ANKRD11: variants seen among roughly 807,000 people sequenced by gnomAD.
ANKRD11 encodes ankyrin repeat domain-containing protein 11.
Under a neutral mutation model 195.7 loss-of-function variants are expected in ANKRD11, and 17 were observed. The observed-to-expected ratio is 0.09, with a 90% CI of 0.06 to 0.13. ANKRD11 has a LOEUF of 0.13. Among genes scored for constraint, ANKRD11 ranks in the 10% least tolerant of loss-of-function variants. The pLI is 1.00. For synonymous variants in ANKRD11, 1,953 were observed against 1,528.1 expected, an observed-to-expected ratio of 1.28 and a Z score of -6.49; for missense variants, 3,735 against 3,566.1, an observed-to-expected ratio of 1.05 and a Z score of -1.21.
chr16:89,463,991 C>A (rs1016242333), intron 1 of ANKRD11, among the ~76,000 whole-genome samples: 2 of 152,216 alleles, frequency 1.3e-5, no homozygotes, highest in African/African-American at 2.4e-5. Context: ...GTAATCCCAA[C>A]ATTTTGGGAG....
chr16:89,271,035 C>G (rs112988977), intron 11 of ANKRD11, 126 bp from the exon 12 acceptor site: 3 of 823,730 alleles, frequency 3.6e-6, no homozygotes, highest in African/African-American at 3.4e-5. Flanking sequence ...CTCATTCCAC[C>G]GCGCACACAC....
Position 89,280,986 on chromosome 16 carries a change from G to A in ANKRD11, c.5556C>T (p.Ser1852=), listed in dbSNP as rs1265643249. The A allele has an allele frequency of 1.3e-6, 2 of 1,574,624 alleles. No individual in the cohort carries two copies. Among genetic ancestry groups the A allele is most frequent in the East Asian group, 4.5e-5 (2 of 44,400 alleles). ...TGGGCGACGGGAGGCCATAGTCTGGGGAGTAGTACCCTGGCGACAAGCAGG... is the reference window on the plus strand; with the variant it reads ...TGGGCGACGGGAGGCCATAGTCTGGAGAGTAGTACCCTGGCGACAAGCAGG... ...KFACLSPGYY[S]PDYGLPSPKV... is the part of the protein sequence containing the mutation. The change falls in exon 9 of 13, where the codon TCC becomes TCT. Residue 1852 remains serine, a synonymous_variant. Coordinates refer to ENST00000301030, the MANE Select transcript of ANKRD11 (RefSeq NM_013275.6).
At chr16:89,297,163 T>C (rs1399998825) in intron 4 of ANKRD11, among the ~76,000 whole-genome samples, 1 of 152,174 alleles carries the variant, frequency 6.6e-6, no homozygotes, top group Non-Finnish European at 1.5e-5. Context: ...GCCTTTTGTA[T>C]CAATCATTTA....
intron 2 of ANKRD11, among the ~76,000 whole-genome samples, chr16:89,366,756 G>C (rs1348131538): frequency 6.6e-6 from 1 of 152,204 alleles, no homozygotes; most frequent in Non-Finnish European, 1.5e-5. Flanking sequence ...TCTTGAATGT[G>C]TGCTATGGGT....
At chr16:89,274,686 T>C in intron 11 of ANKRD11, 128 bp downstream of exon 11, 1 of 1,375,234 alleles carries the variant, frequency 7.3e-7, no homozygotes. Flanking sequence ...CAAAGGACTC[T>C]GTAGCCCCTG....
Position 89,267,684 on chromosome 16 carries a change from A to C in ANKRD11, c.*794T>G, listed in dbSNP as rs1187042517. The C allele has an allele frequency of 1.3e-5, 2 of 152,384 alleles. No individual in the cohort carries two copies. Among genetic ancestry groups the C allele is most frequent in the African/African-American group, 2.4e-5 (1 of 41,470 alleles). 9.4% of individuals were successfully genotyped at this position (152,384 alleles called of 1,614,324 possible). On this transcript the variant is annotated 3_prime_UTR_variant, in exon 13 of 13. Coordinates refer to ENST00000301030, the MANE Select transcript of ANKRD11 (RefSeq NM_013275.6). ...ATAACTGAAAGTGATGTTACAGTAC[A>C]TAAGTTATTTACAACTGTGCAGTAA...
chr16:89,444,811 G>C (rs971195208), intron 1 of ANKRD11, among the ~76,000 whole-genome samples: 1 of 150,104 alleles, frequency 6.7e-6, no homozygotes, highest in Non-Finnish European at 1.5e-5. Context: ...GTAAAAAAAA[G>C]AGAAATTCTA....
chr16:89,271,015 C>T, intron 11 of ANKRD11, 106 bp from the exon 12 acceptor site: 1 of 1,010,762 alleles, frequency 9.9e-7, no homozygotes, highest in South Asian at 1.3e-5. Context: ...GGGACAACCA[C>T]AGGGGGAGCC....
At position 89,325,603 on chromosome 16, in the gene ANKRD11, C is replaced by T. The variant is rs555943285; in HGVS notation, c.-59-8525G>A. On this transcript the variant is annotated intron_variant, in intron 2 of 12. Coordinates refer to ENST00000301030, the MANE Select transcript of ANKRD11 (RefSeq NM_013275.6). ...CTTAGTTGACAAGACATCCGCGAAG[C>T]GTGGAAAATGGCTGCCTGGCGGATG... is the stretch of plus-strand genomic sequence containing the variant. 5.9e-5 allele frequency among the ~76,000 whole-genome samples: 9 copies of T among 152,296 alleles called. No individual in the cohort carries two copies. The East Asian group carries it at 7.7e-4, about 13-fold the overall frequency.
At chr16:89,304,711 C>T (rs978375430) in intron 4 of ANKRD11, among the ~76,000 whole-genome samples, 1 of 152,106 alleles carries the variant, frequency 6.6e-6, no homozygotes, top group Non-Finnish European at 1.5e-5. Context: ...GGCACACACT[C>T]TGGCACAGGC....
intron 2 of ANKRD11, among the ~76,000 whole-genome samples, chr16:89,335,579 G>A (rs2038309892): frequency 6.6e-6 from 1 of 152,252 alleles, no homozygotes; most frequent in African/African-American, 2.4e-5. Flanking sequence ...AGAACAGCGA[G>A]TGACGTCGCT....
At chr16:89,357,651 C>T (rs2039546760) in intron 2 of ANKRD11, among the ~76,000 whole-genome samples, 1 of 152,198 alleles carries the variant, frequency 6.6e-6, no homozygotes, top group African/African-American at 2.4e-5. Flanking sequence ...CAGAATGCGT[C>T]TGCACACAGC....
chr16:89,490,474 C>T lies in ANKRD11; in HGVS notation c.-374G>A. 2.3e-6 allele frequency: 1 copy of T among 434,582 alleles called. No individual in the cohort carries two copies. Among genetic ancestry groups the T allele is most frequent in the Non-Finnish European group, 4.1e-6 (1 of 244,728 alleles). The allele number at this position is 434,582 out of a possible 1,614,324, so 26.9% of individuals were successfully genotyped here. A position where few individuals can be genotyped will look rare whatever the true frequency, so the allele number is the denominator to read the frequency against. On this transcript the variant is annotated 5_prime_UTR_variant, in exon 1 of 13. Transcript: ENST00000301030. ...GCCGCGGCTCCCGGTGCGGACGCTACTGATGGGGCGTCTGGCCGCGGGCTC... is the reference window on the plus strand; with the variant it reads ...GCCGCGGCTCCCGGTGCGGACGCTATTGATGGGGCGTCTGGCCGCGGGCTC...
chr16:89,422,215 G>A (rs560293105), intron 1 of ANKRD11: 12 of 152,300 alleles, frequency 7.9e-5, no homozygotes, highest in African/African-American at 2.2e-4. Flanking sequence ...TTAAGAGGCC[G>A]AGGTGGGAGG....
chr16:89,307,299 C>T (rs3096304), intron 3 of ANKRD11, among the ~76,000 whole-genome samples: 112,378 of 152,048 alleles, frequency 0.74, 42,222 homozygotes, highest in Non-Finnish European at 0.81. Context: ...CCTCCTGGGA[C>T]CCTGATACAT....
chr16:89,463,102 G>A (rs1178183197), intron 1 of ANKRD11, among the ~76,000 whole-genome samples: 1 of 148,128 alleles, frequency 6.8e-6, no homozygotes, highest in African/African-American at 2.5e-5. Context: ...GGTGAGGGGC[G>A]CCTCTGCCCG....
intron 1 of ANKRD11, among the ~76,000 whole-genome samples, chr16:89,444,918 G>A (rs973914305): frequency 4.6e-5 from 7 of 152,348 alleles, no homozygotes; most frequent in African/African-American, 1.7e-4. Context: ...CCTAAAGAGA[G>A]AGGCAGAGAC....
At position 89,283,078 on chromosome 16, in the gene ANKRD11, C is replaced by T. The variant is rs2151754897; in HGVS notation, c.3464G>A (p.Gly1155Glu). The change falls in exon 9 of 13, where the codon GGA (glycine) becomes GAA (glutamate). Residue 1155 changes from glycine to glutamate, a missense_variant. Coordinates refer to ENST00000301030, the MANE Select transcript of ANKRD11 (RefSeq NM_013275.6). This position sits in a 1 kb window ranked among gnomAD's most constrained non-coding sequence, Gnocchi z 4.3. ...RTDGLQEKEE[G>E]REAYASDRHR... ...TCTGTCGGAGGCATAGGCCTCCCGT[C>T]CTTCCTCCTTCTCCTGGAGGCCGTC... The T allele has an allele frequency of 6.2e-7, 1 of 1,614,004 alleles. No individual in the cohort carries two copies. The highest frequency in any genetic ancestry group is 8.5e-7 in the Non-Finnish European group (1 of 1,180,018).
intron 1 of ANKRD11, among the ~76,000 whole-genome samples, chr16:89,453,940 A>C (rs2056312103): frequency 6.6e-6 from 1 of 152,192 alleles, no homozygotes; most frequent in African/African-American, 2.4e-5. Flanking sequence ...CAACTGACTT[A>C]TCTCTGCCAC....
Sources: gnomAD v4.1 joint callset for allele counts (sites outside exome capture counted in the v4.1 genomes callset) on GRCh38, gnomAD v4.1.1 for gene constraint, Gnocchi (gnomAD v3.1) non-coding constraint, MANE v1.5 for transcripts, NCBI Gene and HGNC (gene_info 2026-07-23, HGNC 2026-07-21) for gene names.